Variants in ST3GAL6 observed in about 807,000 individuals in gnomAD.
The protein encoded by ST3GAL6 is type 2 lactosamine alpha-2,3-sialyltransferase.
A neutral mutation model predicts 40.5 loss-of-function variants in ST3GAL6; 31 were observed. The ratio of observed to expected loss-of-function variants is 0.77; its 90% confidence interval spans 0.58 to 1.03. ST3GAL6 has a LOEUF of 1.03. Ranked by LOEUF, ST3GAL6 falls within the 50% of genes least tolerant of loss-of-function variation. The pLI is 0.00. For missense variants in ST3GAL6, 357 were observed against 393.2 expected (o/e 0.91, Z 0.78); for synonymous variants, 129 against 136.9 (o/e 0.94, Z 0.40).
intron 5 of ST3GAL6, among the ~76,000 whole-genome samples, chr3:98,777,097 G>A (rs1325619223): frequency 6.6e-6 from 1 of 152,174 alleles, no homozygotes; most frequent in Non-Finnish European, 1.5e-5. Context: ...GGTCTGGTAT[G>A]ATGGCTGGAG....
At chr3:98,759,649 T>A (rs1017197259), upstream of ST3GAL6, among the ~76,000 whole-genome samples, 2 of 152,142 alleles carry the variant, frequency 1.3e-5, no homozygotes, top group Non-Finnish European at 2.9e-5. Context: ...GCCTCTTCTG[T>A]AGTATGATAC....
chr3:98,782,045 T>C (rs1576116671), intron 5 of ST3GAL6: 2 of 587,340 alleles, frequency 3.4e-6, no homozygotes, highest in African/African-American at 3.7e-5. Flanking sequence ...ATGGCAATAA[T>C]ACCCTGAGAG....
In ST3GAL6 at chr3:98,775,168, G is replaced by A. The variant is rs188900626; in HGVS notation, c.335+1185G>A. On this transcript the variant is annotated intron_variant, in intron 5 of 9. Transcript: ENST00000483910. ...CTAGATAGTTCAACTCCAGTGCCTG[G>A]ATGTCTGAGTTAAGAGTAATAAAGG... Among the ~76,000 whole-genome samples, 563 of 152,106 alleles carry A rather than the reference G, an allele frequency of 3.7e-3. 3 individuals are homozygous for A. The highest frequency in any genetic ancestry group is 5.4e-3 in the Non-Finnish European group (368 of 68,002).
At chr3:98,744,397 G>A (rs1164586455) in intron 1 of ST3GAL6, among the ~76,000 whole-genome samples, 1 of 152,100 alleles carries the variant, frequency 6.6e-6, no homozygotes. Flanking sequence ...TCTTGAAGAT[G>A]GTCCAACTGA....
chr3:98,752,541 G>C (rs1349791366), intron 1 of ST3GAL6, among the ~76,000 whole-genome samples: 1 of 151,778 alleles, frequency 6.6e-6, no homozygotes, highest in Admixed American at 6.6e-5. Flanking sequence ...ACGCCATCTT[G>C]GCTCACTGCA....
chr3:98,746,765 AT>A (rs1310637670), intron 1 of ST3GAL6, among the ~76,000 whole-genome samples: 5 of 151,882 alleles, frequency 3.3e-5, no homozygotes, highest in Non-Finnish European at 7.4e-5. Flanking sequence ...ATATGTATGT[AT>A]TTTGGGGGCA....
intron 1 of ST3GAL6, among the ~76,000 whole-genome samples, chr3:98,763,755 G>C (rs528161678): frequency 6.6e-6 from 1 of 151,408 alleles, no homozygotes; most frequent in African/African-American, 2.4e-5. Flanking sequence ...AAAAAAAATG[G>C]AAGTTTGGCT....
intron 9 of ST3GAL6, among the ~76,000 whole-genome samples, chr3:98,793,154 C>T (rs757427660): frequency 1.3e-5 from 2 of 152,164 alleles, no homozygotes; most frequent in African/African-American, 4.8e-5. Flanking sequence ...GATTTCTCCT[C>T]CGCCCTAAAC....
At chr3:98,744,365 CCT>C (rs1220985299) in intron 1 of ST3GAL6, among the ~76,000 whole-genome samples, 4 of 152,144 alleles carry the variant, frequency 2.6e-5, no homozygotes, top group Non-Finnish European at 5.9e-5. Context: ...CTCTGCATCC[CCT>C]GAGTACACTT....
chr3:98,783,423 T>G (rs1186556430), intron 5 of ST3GAL6: 3 of 353,984 alleles, frequency 8.5e-6, no homozygotes, highest in Non-Finnish European at 1.2e-5. Context: ...CAAACTGTTT[T>G]TGTTCAGTGT....
Position 98,733,672 on chromosome 3 carries a change from C to G in ST3GAL6, c.-12+1140C>G, listed in dbSNP as rs1935258381. The G allele has an allele frequency of 3.5e-6, 3 of 846,966 alleles. No individual in the cohort carries two copies. The African/African-American group carries it at 5.5e-5, about 16-fold the overall frequency. 52.5% of individuals were successfully genotyped at this position (846,966 alleles called of 1,614,324 possible). ...ACTTGTCATTTTGAGGCCGCCGGCT[C>G]CGGAGATCCCGGCAATCTCAAGCCT... On this transcript the variant is annotated intron_variant, in intron 1 of 9. Transcript: ENST00000265261.
At chr3:98,737,961 G>A (rs1221904449) in intron 1 of ST3GAL6, among the ~76,000 whole-genome samples, 1 of 152,146 alleles carries the variant, frequency 6.6e-6, no homozygotes, top group Non-Finnish European at 1.5e-5. Flanking sequence ...AGTGTTGGAG[G>A]TGGGGCCTGA....
intron 1 of ST3GAL6, among the ~76,000 whole-genome samples, chr3:98,747,296 A>G (rs1475434101): frequency 6.6e-6 from 1 of 152,214 alleles, no homozygotes; most frequent in East Asian, 1.9e-4. Flanking sequence ...GCGTTATTAT[A>G]GATTCACATA....
At chr3:98,788,710 G>C (rs1161893915) in intron 8 of ST3GAL6, among the ~76,000 whole-genome samples, 1 of 152,122 alleles carries the variant, frequency 6.6e-6, no homozygotes, top group Admixed American at 6.5e-5. Flanking sequence ...GGGTCTCTTT[G>C]TGCATGCCGA....
At chr3:98,786,202 T>G (rs145364102) in intron 6 of ST3GAL6, among the ~76,000 whole-genome samples, 63 of 152,152 alleles carry the variant, frequency 4.1e-4, no homozygotes, top group African/African-American at 1.3e-3. Context: ...AACCATGGAC[T>G]GGGTGAGATT....
intron 1 of ST3GAL6, among the ~76,000 whole-genome samples, chr3:98,734,080 C>G (rs1935311709): frequency 6.6e-6 from 1 of 152,154 alleles, no homozygotes; most frequent in South Asian, 2.1e-4. Flanking sequence ...AACCTCGTAA[C>G]TCTTCGGGTC....
chr3:98,761,628 T>G (rs958306587), upstream of ST3GAL6, among the ~76,000 whole-genome samples: 1 of 146,428 alleles, frequency 6.8e-6, no homozygotes, highest in South Asian at 2.2e-4. Context: ...AAAAAAAAAG[T>G]AGCCACAGTC....
At chr3:98,746,881 C>A (rs1263763510) in intron 1 of ST3GAL6, among the ~76,000 whole-genome samples, 1 of 152,074 alleles carries the variant, frequency 6.6e-6, no homozygotes, top group Non-Finnish European at 1.5e-5. Context: ...GATAATAAAC[C>A]TTGTTACAAT....
intron 1 of ST3GAL6, among the ~76,000 whole-genome samples, chr3:98,743,000 CTTTTTTT>C (rs71120599): frequency 3.4e-5 from 3 of 89,484 alleles, no homozygotes; most frequent in Non-Finnish European, 6.3e-5. Context: ...ATGCCAGGCT[CTTTTTTT>C]TTTTTTTTTT....
Sources: allele counts gnomAD v4.1 joint callset (sites outside exome capture counted in the v4.1 genomes callset), GRCh38; gene constraint gnomAD v4.1.1; transcripts MANE v1.5; gene names NCBI Gene and HGNC (gene_info 2026-07-23, HGNC 2026-07-21).